Variants in CSMD1 observed in about 807,000 individuals in gnomAD.
CSMD1 encodes the protein CUB and Sushi multiple domains 1.
Under a neutral mutation model 417.5 loss-of-function variants are expected in CSMD1, and 213 were observed. The ratio of observed to expected loss-of-function variants is 0.51; its 90% CI spans 0.46 to 0.57. The LOEUF is 0.57. Among genes scored for constraint, CSMD1 ranks in the 20% least tolerant of loss-of-function variants. The pLI, the probability that CSMD1 is intolerant of heterozygous loss-of-function variation, is 0.00. For missense variants in CSMD1, 6,923 were observed against 4,529.7 expected (o/e 1.53, Z -15.17); for synonymous variants, 2,862 against 1,736.8 (o/e 1.65, Z -16.11).
chr8:3,363,876 A>T (rs900339251), intron 20 of CSMD1, among the ~76,000 whole-genome samples: 2 of 152,178 alleles, frequency 1.3e-5, no homozygotes, highest in Non-Finnish European at 1.5e-5. Context: ...GTAGCAGACA[A>T]TGTTATGTAG....
chr8:4,299,276 T>C (rs1338674156), intron 3 of CSMD1, among the ~76,000 whole-genome samples: 1 of 152,186 alleles, frequency 6.6e-6, no homozygotes, highest in Non-Finnish European at 1.5e-5. Context: ...TCGGATAAGA[T>C]AAAGTTTTTC....
chr8:3,067,232 C>G (rs1585265528), intron 49 of CSMD1, among the ~76,000 whole-genome samples: 1 of 152,174 alleles, frequency 6.6e-6, no homozygotes, highest in Non-Finnish European at 1.5e-5. Flanking sequence ...TACCATGATA[C>G]TCTGTCTCTT....
chr8:4,821,116 C>T (rs1585157192), intron 1 of CSMD1, among the ~76,000 whole-genome samples: 1 of 152,060 alleles, frequency 6.6e-6, no homozygotes, highest in African/African-American at 2.4e-5. Flanking sequence ...CTTAAGATCT[C>T]GGTTGTATCA....
At chr8:4,821,174 A>C (rs1029454270) in intron 1 of CSMD1, among the ~76,000 whole-genome samples, 1 of 152,150 alleles carries the variant, frequency 6.6e-6, no homozygotes, top group Non-Finnish European at 1.5e-5. Context: ...TCTTCTCTGT[A>C]ATCACGTCAC....
intron 5 of CSMD1, among the ~76,000 whole-genome samples, chr8:3,907,149 T>C (rs1465943100): frequency 2.6e-5 from 4 of 152,216 alleles, no homozygotes; most frequent in African/African-American, 4.8e-5. Flanking sequence ...TCATGTTACG[T>C]TGTGTATTAC....
chr8:3,551,350 G>C (rs1360219959), intron 10 of CSMD1, among the ~76,000 whole-genome samples: 1 of 152,146 alleles, frequency 6.6e-6, no homozygotes, highest in East Asian at 1.9e-4. Context: ...ACACTTTAGA[G>C]TTTGTGAGTC....
intron 5 of CSMD1, among the ~76,000 whole-genome samples, chr8:3,990,594 T>A (rs192708483): frequency 5.9e-5 from 9 of 152,332 alleles, no homozygotes; most frequent in Non-Finnish European, 1.2e-4. Flanking sequence ...ATACGTATTC[T>A]TTGAAATAGT....
At chr8:4,729,461 T>A (rs1229633112) in intron 1 of CSMD1, among the ~76,000 whole-genome samples, 1 of 152,170 alleles carries the variant, frequency 6.6e-6, no homozygotes, top group Non-Finnish European at 1.5e-5. Context: ...AGAGAAATGA[T>A]CAATAGCTGA....
chr8:3,635,946 T>G (rs768088711), intron 7 of CSMD1, among the ~76,000 whole-genome samples: 3 of 152,206 alleles, frequency 2.0e-5, no homozygotes, highest in Non-Finnish European at 4.4e-5. Context: ...CTTTTTGGCT[T>G]TATAAACTTC....
At chr8:3,172,926 A>G (rs1820674068) in intron 37 of CSMD1, among the ~76,000 whole-genome samples, 1 of 152,190 alleles carries the variant, frequency 6.6e-6, no homozygotes, top group Non-Finnish European at 1.5e-5. Context: ...GTCAGCTTGG[A>G]AGTACGTGAC....
intron 49 of CSMD1, among the ~76,000 whole-genome samples, chr8:3,085,867 G>T (rs893252092): frequency 5.9e-5 from 9 of 152,114 alleles, no homozygotes; most frequent in African/African-American, 2.2e-4. Context: ...GGACATGAAG[G>T]TCCCTCTCCG....
chr8:4,187,390 T>A (rs549531772), intron 3 of CSMD1, among the ~76,000 whole-genome samples: 1 of 152,210 alleles, frequency 6.6e-6, no homozygotes, highest in East Asian at 1.9e-4. Context: ...CTGATGCCTA[T>A]AATCCCAGCA....
chr8:4,787,687 G>A (rs533636528), intron 1 of CSMD1: 4 of 1,590,936 alleles, frequency 2.5e-6, no homozygotes, highest in African/African-American at 1.3e-5. Context: ...CCCACCTAAA[G>A]TGGAGTTGTT....
chr8:3,226,458 C>T (rs568714604), intron 27 of CSMD1, among the ~76,000 whole-genome samples: 1 of 151,862 alleles, frequency 6.6e-6, no homozygotes, highest in Non-Finnish European at 1.5e-5. Flanking sequence ...TGGCACGCAC[C>T]TATAATCCTA....
At chr8:3,915,420 A>AAACAAAC (rs1554484723) in intron 5 of CSMD1, among the ~76,000 whole-genome samples, 1 of 150,092 alleles carries the variant, frequency 6.7e-6, no homozygotes, top group African/African-American at 2.5e-5. Context: ...AAAAAAAAAA[A>AAACAAAC]AAAAAAAAGA....
intron 3 of CSMD1, among the ~76,000 whole-genome samples, chr8:4,261,728 C>A (rs1002763759): frequency 6.6e-6 from 1 of 151,972 alleles, no homozygotes; most frequent in East Asian, 1.9e-4. Flanking sequence ...ATCTTAAATG[C>A]CCCCATCACA....
At chr8:3,569,266 A>C (rs1392908703) in intron 10 of CSMD1, among the ~76,000 whole-genome samples, 2 of 152,220 alleles carry the variant, frequency 1.3e-5, no homozygotes, top group Non-Finnish European at 2.9e-5. Flanking sequence ...TTGACATGAT[A>C]TAGCATGATA....
chr8:2,977,267 A>T (rs1805006770), intron 55 of CSMD1, among the ~76,000 whole-genome samples: 1 of 151,616 alleles, frequency 6.6e-6, no homozygotes, highest in African/African-American at 2.4e-5. Context: ...CCCTCCCCCT[A>T]CCCTACTGAC....
chr8:3,686,465 C>T (rs1251859846), intron 7 of CSMD1, among the ~76,000 whole-genome samples: 1 of 152,098 alleles, frequency 6.6e-6, no homozygotes, highest in East Asian at 1.9e-4. Flanking sequence ...CCATATGCTG[C>T]TCTGGCATGT....
Sources: gnomAD v4.1 joint callset for allele counts (sites outside exome capture counted in the v4.1 genomes callset) on GRCh38, gnomAD v4.1.1 for gene constraint, MANE v1.5 for transcripts, NCBI Gene and HGNC (gene_info 2026-07-23, HGNC 2026-07-21) for gene names.